The following MACO1 variants were observed in gnomAD, a reference collection of about 807,000 sequenced individuals.
The protein encoded by MACO1 is macoilin 1.
A neutral mutation model predicts 78.7 loss-of-function variants in MACO1; 14 were observed. That is an observed-to-expected ratio of 0.18 (90% CI 0.12 to 0.28). The LOEUF is 0.28. MACO1 is among the 10% of genes least tolerant of loss of function. MACO1 has a pLI of 1.00. For synonymous variants in MACO1, 288 were observed against 291.6 expected, an observed-to-expected ratio of 0.99 and a Z score of 0.12; for missense variants, 501 against 799.0, an observed-to-expected ratio of 0.63 and a Z score of 4.50.
chr1:25,498,117 C>A, intron 10 of MACO1, 147 bp from the exon 11 acceptor site: 2 of 687,424 alleles, frequency 2.9e-6, no homozygotes. Context: ...TACTGTGTCC[C>A]ATTACAGGAC....
chr1:25,460,714 T>A (rs891118432), intron 6 of MACO1, among the ~76,000 whole-genome samples: 1 of 152,258 alleles, frequency 6.6e-6, no homozygotes, highest in South Asian at 2.1e-4. Context: ...GTAGAGAAGT[T>A]CAAGGACCCA....
At position 25,446,706 on chromosome 1, in the gene MACO1, A is replaced by G. The variant is rs1364481809; in HGVS notation, c.81-56A>G. On this transcript the variant is annotated intron_variant, in intron 1 of 10. Transcript: ENST00000374343. Reference sequence around the variant, plus strand: ...TTTAAACAGAAACAGTGAATTTTCTATTTCTAGTTATTCACAAATGACCTT... The same window carrying G: ...TTTAAACAGAAACAGTGAATTTTCTGTTTCTAGTTATTCACAAATGACCTT... The G allele has an allele frequency of 2.7e-6, 4 of 1,479,512 alleles. No individual in the cohort carries two copies. The East Asian group carries it at 9.9e-5, about 37-fold the overall frequency. 91.6% of individuals were successfully genotyped at this position (1,479,512 alleles called of 1,614,324 possible). A position where few individuals can be genotyped will look rare whatever the true frequency, so the allele number is the denominator to read the frequency against.
In MACO1 at chr1:25,447,038, T is replaced by C. The variant is rs931965914; in HGVS notation, c.222+135T>C. ...TTAACTGAAATTGACCTCTAAACTA[T>C]TTTGTCTAAACCCATTGATCAAATA... On this transcript the variant is annotated intron_variant, in intron 2 of 10. Transcript: ENST00000374343. The C allele has an allele frequency of 1.9e-5, 21 of 1,111,086 alleles. No homozygotes were observed. The African/African-American group carries it at 3.2e-4, about 17-fold the overall frequency. The allele number at this position is 1,111,086 out of a possible 1,614,324, so 68.8% of individuals were successfully genotyped here.
intron 6 of MACO1, among the ~76,000 whole-genome samples, chr1:25,482,804 T>A (rs1295335749): frequency 6.6e-6 from 1 of 152,192 alleles, no homozygotes; most frequent in Admixed American, 6.5e-5. Flanking sequence ...AAAATGGGAA[T>A]AGGAATTGCA....
chr1:25,467,731 A>ATTTTT (rs34155576), intron 6 of MACO1, among the ~76,000 whole-genome samples: 1 of 134,184 alleles, frequency 7.5e-6, no homozygotes, highest in African/African-American at 2.7e-5. Context: ...TAGAATGATG[A>ATTTTT]TTTTTTTTTT....
intron 1 of MACO1, among the ~76,000 whole-genome samples, chr1:25,432,182 T>C (rs536908172): frequency 1.3e-5 from 2 of 152,382 alleles, no homozygotes; most frequent in South Asian, 4.1e-4. Context: ...TGAGTCCTCA[T>C]GGTGTTTTAC....
chr1:25,459,626 C>T (rs116344325), intron 6 of MACO1, among the ~76,000 whole-genome samples: 1,524 of 151,936 alleles, frequency 0.01, 27 homozygotes, highest in African/African-American at 0.034. Flanking sequence ...AGGTGCTTGC[C>T]GCCACGCCAG....
chr1:25,443,935 GC>G (rs2042993229), intron 1 of MACO1, among the ~76,000 whole-genome samples: 1 of 140,168 alleles, frequency 7.1e-6, no homozygotes, highest in African/African-American at 2.6e-5. Context: ...ATATTTCCAT[GC>G]CCTTTTTTTT....
At chr1:25,436,582 C>G (rs1187992069) in intron 1 of MACO1, among the ~76,000 whole-genome samples, 1 of 152,128 alleles carries the variant, frequency 6.6e-6, no homozygotes, top group Non-Finnish European at 1.5e-5. Flanking sequence ...ATGGTACATA[C>G]AACAGTAGAT....
At chr1:25,450,866 G>T (rs2043059079) in intron 3 of MACO1, among the ~76,000 whole-genome samples, 1 of 152,140 alleles carries the variant, frequency 6.6e-6, no homozygotes, top group Non-Finnish European at 1.5e-5. Flanking sequence ...TTATATAAAG[G>T]TGTAGTAATC....
intron 6 of MACO1, among the ~76,000 whole-genome samples, chr1:25,459,810 G>T (rs925594010): frequency 5.3e-5 from 8 of 152,014 alleles, no homozygotes; most frequent in African/African-American, 1.9e-4. Context: ...TACATTGACT[G>T]GCTCAGACTT....
intron 6 of MACO1, among the ~76,000 whole-genome samples, chr1:25,464,414 G>A (rs564914384): frequency 5.2e-5 from 7 of 133,448 alleles, no homozygotes; most frequent in East Asian, 4.5e-4. Flanking sequence ...GTGTGATCTC[G>A]GCTCACTGCA....
chr1:25,437,183 G>A (rs1472469706), intron 1 of MACO1, among the ~76,000 whole-genome samples: 2 of 150,498 alleles, frequency 1.3e-5, no homozygotes, highest in African/African-American at 2.4e-5. Context: ...CGCCCAGGCT[G>A]GAGTCCAGCA....
chr1:25,458,730 C>T lies in MACO1; in HGVS notation c.992C>T (p.Ser331Phe). The change falls in exon 6 of 11, where the codon TCT becomes TTT. Residue 331 changes from serine to phenylalanine, a missense_variant. Around this residue, in one of 5 missense-constraint regions of MACO1, gnomAD observed 163 missense variants for 271.9 expected, o/e 0.60. Coordinates refer to ENST00000374343, the MANE Select transcript of MACO1 (RefSeq NM_018202.6). ...NYKNASGVVN[S>F]SPRSHSATNG... Reference sequence around the variant, plus strand: ...AAAAATGCCAGTGGAGTTGTGAACTCTTCACCTCGAAGTCATAGCGCCACA... The same window carrying T: ...AAAAATGCCAGTGGAGTTGTGAACTTTTCACCTCGAAGTCATAGCGCCACA... 1 of 1,614,138 alleles carries T rather than the reference C, an allele frequency of 6.2e-7. No homozygotes were observed.
intron 6 of MACO1, among the ~76,000 whole-genome samples, chr1:25,464,120 G>A (rs2043194951): frequency 6.6e-6 from 1 of 152,068 alleles, no homozygotes. Context: ...ATACAGAGTA[G>A]TTTTACTGCC....
At chr1:25,496,840 AG>A (rs2043541532) in intron 10 of MACO1, among the ~76,000 whole-genome samples, 1 of 152,238 alleles carries the variant, frequency 6.6e-6, no homozygotes, top group Non-Finnish European at 1.5e-5. Context: ...CATTTGAAAC[AG>A]ACTGCAGGGA....
At chr1:25,472,083 G>C (rs565056090) in intron 6 of MACO1, among the ~76,000 whole-genome samples, 27 of 152,184 alleles carry the variant, frequency 1.8e-4, no homozygotes, top group African/African-American at 6.5e-4. Context: ...ATCTCAGTTT[G>C]CCTTGTCTTA....
chr1:25,459,801 A>T (rs1421631802), intron 6 of MACO1, among the ~76,000 whole-genome samples: 1 of 152,150 alleles, frequency 6.6e-6, no homozygotes, highest in Non-Finnish European at 1.5e-5. Flanking sequence ...TTGTTTTATT[A>T]CATTGACTGG....
chr1:25,465,444 G>T (rs2043209832), intron 6 of MACO1, among the ~76,000 whole-genome samples: 2 of 152,154 alleles, frequency 1.3e-5, no homozygotes, highest in Admixed American at 6.5e-5. Flanking sequence ...GTAAATCCTG[G>T]CCAGCACTTG....
Sources: allele counts gnomAD v4.1 joint callset (sites outside exome capture counted in the v4.1 genomes callset), GRCh38; gene constraint gnomAD v4.1.1; regional missense constraint gnomAD v4.1.1; transcripts MANE v1.5; gene names NCBI Gene and HGNC (gene_info 2026-07-23, HGNC 2026-07-21).